Variants in GRM8 observed in about 807,000 individuals in gnomAD.
GRM8 encodes glutamate metabotropic receptor 8.
In GRM8, 47 loss-of-function variants were observed where a neutral mutation model predicts 87.2. The observed-to-expected ratio is 0.54, with a 90% confidence interval of 0.43 to 0.69. GRM8 has a LOEUF of 0.69. Ranked by LOEUF, GRM8 falls within the 30% of genes least tolerant of loss-of-function variation. The probability of loss-of-function intolerance (pLI) is 0.00; values close to 1 mark genes in which losing one functional copy is unlikely to be tolerated. For missense variants in GRM8, 1,019 were observed against 1,139.2 expected, an observed-to-expected ratio of 0.89 and a Z score of 1.52; for synonymous variants, 396 against 404.5, an observed-to-expected ratio of 0.98 and a Z score of 0.25.
chr7:126,755,430 G>A (rs1022682972), intron 7 of GRM8, among the ~76,000 whole-genome samples: 2 of 151,738 alleles, frequency 1.3e-5, no homozygotes, highest in Non-Finnish European at 1.5e-5. Flanking sequence ...TTTTGCAGAC[G>A]GCTGATGTCA....
chr7:126,686,100 GT>G lies in GRM8; in HGVS notation c.1358-76603del, dbSNP rs143098951. On this transcript the variant is annotated intron_variant, in intron 7 of 10. Transcript: ENST00000339582. ...CCCCAGGGTCTCCTCTCTGCTGAAA[GT>G]TGAGGAGACAATGGGATGACCAAAT... 4.3e-3 allele frequency among the ~76,000 whole-genome samples: 653 copies of G among 151,636 alleles called. 9 individuals are homozygous for G. The highest frequency in any genetic ancestry group is 0.041 in the South Asian group (198 of 4,802).
intron 9 of GRM8, among the ~76,000 whole-genome samples, chr7:126,460,517 T>C (rs10228889): frequency 0.02 from 3,043 of 151,714 alleles, 90 homozygotes; most frequent in African/African-American, 0.068. Flanking sequence ...CTTTGACCAG[T>C]ACTCATAACT....
At chr7:126,754,722 T>C (rs1408283304) in intron 7 of GRM8, among the ~76,000 whole-genome samples, 1 of 151,942 alleles carries the variant, frequency 6.6e-6, no homozygotes, top group Non-Finnish European at 1.5e-5. Context: ...ATTGTAAACT[T>C]AAAAGCTGTT....
Position 126,473,242 on chromosome 7 carries a change from C to T in GRM8, c.2431-26870G>A, listed in dbSNP as rs1001254382. ...CTCAATGCCAGCCCATGAAAGCAGC[C>T]GGAACTGGGGTGGTATTCTGCAAAG... On this transcript the variant is annotated intron_variant, in intron 9 of 10. Transcript: ENST00000339582. Among the ~76,000 whole-genome samples, 14 of 152,222 alleles carry T rather than the reference C, an allele frequency of 9.2e-5. No homozygotes were observed. In the South Asian group the frequency reaches 1.0e-3, roughly 11 times the overall value.
chr7:126,599,932 C>T (rs192204386), intron 8 of GRM8, among the ~76,000 whole-genome samples: 25 of 152,166 alleles, frequency 1.6e-4, no homozygotes, highest in African/African-American at 5.1e-4. Flanking sequence ...ACTGGAGGTG[C>T]TGTTTTACAA....
intron 7 of GRM8, among the ~76,000 whole-genome samples, chr7:126,700,083 G>C (rs530018555): frequency 6.6e-6 from 1 of 152,030 alleles, no homozygotes; most frequent in East Asian, 1.9e-4. Context: ...TAGTTCATAG[G>C]GTTATTTTAA....
chr7:126,604,623 G>C (rs568861047), intron 8 of GRM8, among the ~76,000 whole-genome samples: 42 of 139,858 alleles, frequency 3.0e-4, no homozygotes, highest in African/African-American at 1.0e-3. Context: ...CTGAGTCTAA[G>C]TCACATGCCC....
At chr7:126,712,109 C>T (rs1286535318) in intron 7 of GRM8, among the ~76,000 whole-genome samples, 1 of 152,164 alleles carries the variant, frequency 6.6e-6, no homozygotes, top group Non-Finnish European at 1.5e-5. Flanking sequence ...AACATGGCTT[C>T]CTTACTAAGC....
chr7:127,026,533 T>C (rs1371770550), intron 3 of GRM8, among the ~76,000 whole-genome samples: 2 of 152,208 alleles, frequency 1.3e-5, no homozygotes, highest in South Asian at 4.1e-4. Context: ...GTTTTAATGA[T>C]TGCCATTCTA....
chr7:127,101,534 A>G (rs1825251180), intron 3 of GRM8, among the ~76,000 whole-genome samples: 1 of 152,036 alleles, frequency 6.6e-6, no homozygotes, highest in Non-Finnish European at 1.5e-5. Context: ...CATCTCCCCC[A>G]TTCCCAACTC....
intron 6 of GRM8, among the ~76,000 whole-genome samples, chr7:126,806,706 G>A (rs1010531426): frequency 4.6e-5 from 7 of 152,330 alleles, no homozygotes; most frequent in Admixed American, 1.3e-4. Context: ...CATGCGTCGC[G>A]GGACTTTGCG....
chr7:127,183,061 A>G (rs1006022097), intron 2 of GRM8, among the ~76,000 whole-genome samples: 3 of 151,966 alleles, frequency 2.0e-5, no homozygotes, highest in Non-Finnish European at 4.4e-5. Flanking sequence ...TAAAATAAAT[A>G]AATAAAAGCT....
At chr7:126,797,939 C>T (rs865912692) in intron 6 of GRM8, among the ~76,000 whole-genome samples, 1 of 152,016 alleles carries the variant, frequency 6.6e-6, no homozygotes, top group Admixed American at 6.6e-5. Context: ...AAATATTGAA[C>T]TGATAGTATT....
intron 3 of GRM8, among the ~76,000 whole-genome samples, chr7:127,061,240 C>T (rs1383419152): frequency 2.6e-5 from 4 of 152,130 alleles, no homozygotes; most frequent in Admixed American, 2.0e-4. Context: ...GGTAAAAGTA[C>T]TCCTGCTTAT....
intron 7 of GRM8, among the ~76,000 whole-genome samples, chr7:126,653,742 T>A (rs906134497): frequency 1.3e-5 from 2 of 152,216 alleles, no homozygotes; most frequent in Non-Finnish European, 2.9e-5. Context: ...ATACTCTGGG[T>A]ATTTGTTTTA....
At chr7:126,468,423 T>C (rs993794204) in intron 9 of GRM8, among the ~76,000 whole-genome samples, 2 of 152,058 alleles carry the variant, frequency 1.3e-5, no homozygotes, top group African/African-American at 4.8e-5. Flanking sequence ...TTAAGAATAA[T>C]TGCACACTTG....
chr7:127,061,605 C>A, intron 3 of GRM8, among the ~76,000 whole-genome samples: 1 of 152,086 alleles, frequency 6.6e-6, no homozygotes, highest in Non-Finnish European at 1.5e-5. Context: ...TCCTTTCCCC[C>A]ACACCCTTCC....
chr7:126,809,713 T>G (rs1164388804), intron 6 of GRM8, among the ~76,000 whole-genome samples: 1 of 152,198 alleles, frequency 6.6e-6, no homozygotes, highest in East Asian at 1.9e-4. Flanking sequence ...CTTGCTGCAC[T>G]GGGACAGATC....
At chr7:126,811,462 C>T (rs1468673452) in intron 6 of GRM8, among the ~76,000 whole-genome samples, 1 of 151,764 alleles carries the variant, frequency 6.6e-6, no homozygotes. Context: ...GTAGTATGGT[C>T]ATTTTAATGA....
Sources: allele counts gnomAD v4.1 joint callset (sites outside exome capture counted in the v4.1 genomes callset), GRCh38; gene constraint gnomAD v4.1.1; transcripts MANE v1.5; gene names NCBI Gene and HGNC (gene_info 2026-07-23, HGNC 2026-07-21).